The following TTLL7 variants were observed in gnomAD, a reference collection of about 807,000 sequenced individuals.
TTLL7 encodes the protein tubulin polyglutamylase TTLL7.
TTLL7 carries 53 observed loss-of-function variants against 120.2 expected under a neutral mutation model. The ratio of observed to expected loss-of-function variants is 0.44; its 90% confidence interval spans 0.35 to 0.55. The LOEUF (loss-of-function observed/expected upper bound fraction) is 0.55, where lower values mean the gene tolerates loss of function less well. TTLL7 is among the 20% of genes least tolerant of loss of function. The probability of loss-of-function intolerance (pLI) is 0.00; values close to 1 mark genes in which losing one functional copy is unlikely to be tolerated. For missense variants in TTLL7, 803 were observed against 1,054.7 expected, an observed-to-expected ratio of 0.76 and a Z score of 3.31; for synonymous variants, 353 against 351.7, an observed-to-expected ratio of 1.00 and a Z score of -0.04.
intron 1 of TTLL7, among the ~76,000 whole-genome samples, chr1:83,965,509 G>C (rs182745288): frequency 4.1e-4 from 62 of 152,156 alleles, no homozygotes; most frequent in African/African-American, 1.3e-3. Flanking sequence ...AAATTACCCA[G>C]TCTTGGGTAG....
At chr1:83,904,012 T>C (rs1656968068) in intron 18 of TTLL7, 67 bp downstream of exon 18, 5 of 1,182,058 alleles carry the variant, frequency 4.2e-6, no homozygotes, top group Non-Finnish European at 6.3e-6. Flanking sequence ...GTCTATGAAT[T>C]TGGCTTAATG....
chr1:83,896,492 G>A (rs1275445355), intron 18 of TTLL7, among the ~76,000 whole-genome samples: 6 of 152,054 alleles, frequency 3.9e-5, no homozygotes, highest in African/African-American at 1.4e-4. Flanking sequence ...GGTGAAGGCG[G>A]TTTAGAAATA....
intron 19 of TTLL7, among the ~76,000 whole-genome samples, chr1:83,889,176 C>G (rs1039515149): frequency 3.3e-5 from 5 of 152,068 alleles, no homozygotes; most frequent in African/African-American, 1.2e-4. Flanking sequence ...CTTCACATGG[C>G]GGCAGCAAGG....
At chr1:83,918,391 C>T (rs1658366823) in intron 13 of TTLL7, among the ~76,000 whole-genome samples, 1 of 152,086 alleles carries the variant, frequency 6.6e-6, no homozygotes, top group African/African-American at 2.4e-5. Context: ...ATAATAGCTA[C>T]ACTGAAAGAG....
chr1:83,915,674 G>T (rs554880787), intron 14 of TTLL7, among the ~76,000 whole-genome samples: 1 of 152,162 alleles, frequency 6.6e-6, no homozygotes, highest in African/African-American at 2.4e-5. Context: ...CTTCTGCACA[G>T]CAAAAGAAAC....
intron 4 of TTLL7, chr1:83,949,556 G>A (rs747618084): frequency 1.8e-5 from 5 of 271,950 alleles, no homozygotes; most frequent in Non-Finnish European, 3.4e-5. Flanking sequence ...TCAATCTCTT[G>A]ACCTCGTGAT....
chr1:83,976,976 T>C (rs1571364864), intron 1 of TTLL7, among the ~76,000 whole-genome samples: 2 of 152,188 alleles, frequency 1.3e-5, no homozygotes, highest in African/African-American at 4.8e-5. Flanking sequence ...TGTTCGTCTA[T>C]ATTAAGCCAT....
At chr1:83,879,509 T>C (rs1411992244) in intron 20 of TTLL7, among the ~76,000 whole-genome samples, 1 of 152,002 alleles carries the variant, frequency 6.6e-6, no homozygotes, top group African/African-American at 2.4e-5. Context: ...CTTTATGGGC[T>C]AGTGACATGG....
chr1:83,948,593 A>G, intron 5 of TTLL7, 35 bp downstream of exon 5: 1 of 1,401,180 alleles, frequency 7.1e-7, no homozygotes, highest in East Asian at 2.3e-5. Context: ...TAAATTTTGA[A>G]CAGGTCTTCT....
chr1:83,886,447 T>A (rs1395550161), intron 19 of TTLL7, among the ~76,000 whole-genome samples: 2 of 151,952 alleles, frequency 1.3e-5, no homozygotes, highest in Non-Finnish European at 2.9e-5. Flanking sequence ...CTAAAAAGTA[T>A]AACAACACAT....
At chr1:83,905,938 C>T (rs1325680090) in intron 17 of TTLL7, among the ~76,000 whole-genome samples, 1 of 151,920 alleles carries the variant, frequency 6.6e-6, no homozygotes. Flanking sequence ...CATTTTATGC[C>T]ACAGCCCCAC....
chr1:83,961,910 A>G (rs1650049939), intron 1 of TTLL7, among the ~76,000 whole-genome samples: 2 of 152,096 alleles, frequency 1.3e-5, no homozygotes, highest in Non-Finnish European at 2.9e-5. Context: ...CAAACCTAAG[A>G]GAGTTGAACT....
chr1:83,870,865 C>T (rs978821368), intron 20 of TTLL7, among the ~76,000 whole-genome samples: 17 of 150,386 alleles, frequency 1.1e-4, no homozygotes, highest in East Asian at 5.9e-4. Context: ...GCTGAGATCG[C>T]GCCATTGCAC....
chr1:83,972,823 A>G (rs1651113465), intron 1 of TTLL7, among the ~76,000 whole-genome samples: 1 of 152,146 alleles, frequency 6.6e-6, no homozygotes, highest in Non-Finnish European at 1.5e-5. Flanking sequence ...CCCTAATGAC[A>G]TAGATGCGGA....
At chr1:83,997,315 T>A (rs1445184612) in intron 1 of TTLL7, among the ~76,000 whole-genome samples, 1 of 152,150 alleles carries the variant, frequency 6.6e-6, no homozygotes, top group African/African-American at 2.4e-5. Flanking sequence ...GAGATGCATT[T>A]CTTAAGAAAA....
chr1:83,961,281 A>G (rs1038230852), intron 1 of TTLL7, among the ~76,000 whole-genome samples: 1 of 152,168 alleles, frequency 6.6e-6, no homozygotes, highest in African/African-American at 2.4e-5. Context: ...AGAATCAAAC[A>G]AATTTGTCAC....
chr1:83,994,296 T>C (rs1653282665), intron 1 of TTLL7, among the ~76,000 whole-genome samples: 1 of 152,214 alleles, frequency 6.6e-6, no homozygotes, highest in Non-Finnish European at 1.5e-5. Context: ...CTGCCTTGGC[T>C]CTGCTTCCAC....
intron 1 of TTLL7, among the ~76,000 whole-genome samples, chr1:83,982,684 C>A (rs981177841): frequency 6.6e-5 from 10 of 152,158 alleles, no homozygotes; most frequent in Admixed American, 4.6e-4. Context: ...ATTCCATGCC[C>A]TTGGATTGAA....
At chr1:83,937,554 C>T (rs972264099) in intron 8 of TTLL7, among the ~76,000 whole-genome samples, 3 of 152,088 alleles carry the variant, frequency 2.0e-5, no homozygotes, top group Admixed American at 2.0e-4. Flanking sequence ...ACAGGCTATA[C>T]CATATACAGG....
Sources: allele counts gnomAD v4.1 joint callset (sites outside exome capture counted in the v4.1 genomes callset), GRCh38; gene constraint gnomAD v4.1.1; transcripts MANE v1.5; gene names NCBI Gene and HGNC (gene_info 2026-07-23, HGNC 2026-07-21).